LRP1B: variants seen among roughly 807,000 people sequenced by gnomAD.
LRP1B encodes LDL receptor related protein 1B.
LRP1B carries 217 observed loss-of-function variants against 556.6 expected under a neutral mutation model. The ratio of observed to expected loss-of-function variants is 0.39; its 90% CI spans 0.35 to 0.44. The LOEUF is 0.44. LRP1B is among the 20% of genes least tolerant of loss of function. The pLI, the probability that LRP1B is intolerant of heterozygous loss-of-function variation, is 1.00. For missense variants in LRP1B, 5,053 were observed against 5,620.8 expected, an observed-to-expected ratio of 0.90 and a Z score of 3.23; for synonymous variants, 2,047 against 1,865.8, an observed-to-expected ratio of 1.10 and a Z score of -2.50.
chr2:141,758,268 C>T (rs1201796365), intron 2 of LRP1B, among the ~76,000 whole-genome samples: 2 of 152,096 alleles, frequency 1.3e-5, no homozygotes, highest in Admixed American at 6.6e-5. Flanking sequence ...TCACATACTG[C>T]TTTGTATAAT....
chr2:140,518,990 G>A (rs1446683196), intron 49 of LRP1B, among the ~76,000 whole-genome samples: 1 of 152,132 alleles, frequency 6.6e-6, no homozygotes, highest in Non-Finnish European at 1.5e-5. Context: ...AACAGTCCAT[G>A]CTTATGCATA....
intron 89 of LRP1B, among the ~76,000 whole-genome samples, chr2:140,236,697 A>G (rs1573663815): frequency 6.6e-6 from 1 of 150,934 alleles, no homozygotes; most frequent in Non-Finnish European, 1.5e-5. Flanking sequence ...ATATTTCTCA[A>G]AAGTGATTTA....
intron 20 of LRP1B, among the ~76,000 whole-genome samples, chr2:140,935,607 C>T (rs1270055171): frequency 6.6e-6 from 1 of 151,974 alleles, no homozygotes; most frequent in Non-Finnish European, 1.5e-5. Context: ...GCGAGAATAT[C>T]TAAAGAAAAC....
chr2:140,471,491 T>G (rs1687767803), intron 60 of LRP1B, among the ~76,000 whole-genome samples: 1 of 152,140 alleles, frequency 6.6e-6, no homozygotes. Context: ...CCCTAGCTAA[T>G]TCAATAATAA....
intron 2 of LRP1B, among the ~76,000 whole-genome samples, chr2:141,591,059 C>T (rs1687316173): frequency 6.6e-6 from 1 of 152,208 alleles, no homozygotes. Flanking sequence ...CTCTGCCCTC[C>T]TGACTGTAAT....
intron 83 of LRP1B, among the ~76,000 whole-genome samples, chr2:140,303,235 TTTTATTTGTTTGTTATTTATTTATTTA>T (rs1285813792): frequency 6.6e-6 from 1 of 151,668 alleles, no homozygotes; most frequent in Non-Finnish European, 1.5e-5. Flanking sequence ...ATAAACTCTT[TTTTATTTGTTTGTTATTTATTTATTTA>T]TTTGAGATGG....
chr2:141,728,430 A>T (rs1319083780), intron 2 of LRP1B, among the ~76,000 whole-genome samples: 1 of 152,020 alleles, frequency 6.6e-6, no homozygotes, highest in African/African-American at 2.4e-5. Context: ...AGGAAGAGAG[A>T]GTCTAGGGAA....
At chr2:140,586,970 G>T (rs190363983) in intron 43 of LRP1B, among the ~76,000 whole-genome samples, 1 of 151,826 alleles carries the variant, frequency 6.6e-6, no homozygotes, top group African/African-American at 2.4e-5. Flanking sequence ...AAAAATAAAG[G>T]CTTTAGGAAA....
chr2:141,494,774 G>A (rs950910844), intron 2 of LRP1B, among the ~76,000 whole-genome samples: 6 of 147,990 alleles, frequency 4.1e-5, no homozygotes, highest in African/African-American at 1.3e-4. Flanking sequence ...TAGATATGGA[G>A]GTTTATTTAG....
rs550710851 is a variant in LRP1B, at chr2:140,655,713, C to A, written c.6799+44537G>T. Among the ~76,000 whole-genome samples, 8 of 152,244 alleles carry A rather than the reference C, an allele frequency of 5.3e-5. No individual in the cohort carries two copies. The South Asian group carries it at 1.7e-3, about 32-fold the overall frequency. On this transcript the variant is annotated intron_variant, in intron 41 of 90. Transcript: ENST00000389484. Reference sequence around the variant, plus strand: ...ATCCCAGCACTTTGGGGGGCCGAGGCGGGTGGATCACGAGGTCAGGAAATC... The same window carrying A: ...ATCCCAGCACTTTGGGGGGCCGAGGAGGGTGGATCACGAGGTCAGGAAATC...
chr2:140,768,399 C>T (rs917238653), intron 35 of LRP1B, among the ~76,000 whole-genome samples: 4 of 151,594 alleles, frequency 2.6e-5, no homozygotes, highest in East Asian at 1.9e-4. Flanking sequence ...ATAAAAACAC[C>T]GTGGAAATGC....
rs77829977 is a variant in LRP1B, at chr2:141,307,935, G to A, written c.344-53294C>T. On this transcript the variant is annotated intron_variant, in intron 3 of 90. Coordinates refer to ENST00000389484, the MANE Select transcript of LRP1B (RefSeq NM_018557.3). ...CAGGCCCACTCTCTGGCTCCCAAGT[G>A]CTTTGTAATGGTGTTGGTGGTGGCT... is the stretch of plus-strand genomic sequence containing the variant. Among the ~76,000 whole-genome samples, 418 of 152,272 alleles carry A rather than the reference G, an allele frequency of 2.7e-3. 11 individuals carry two copies. In the East Asian group the frequency reaches 0.059, roughly 22 times the overall value.
chr2:141,592,723 G>A (rs1687384571), intron 2 of LRP1B, among the ~76,000 whole-genome samples: 1 of 152,106 alleles, frequency 6.6e-6, no homozygotes, highest in Non-Finnish European at 1.5e-5. Flanking sequence ...ATGGCACCTT[G>A]TGAAATTCCT....
At chr2:141,224,466 G>A (rs1442828744) in intron 6 of LRP1B, among the ~76,000 whole-genome samples, 1 of 152,106 alleles carries the variant, frequency 6.6e-6, no homozygotes, top group Non-Finnish European at 1.5e-5. Context: ...ATTTGACCCG[G>A]CAATCCCATT....
At chr2:141,885,352 C>G (rs575287401) in intron 1 of LRP1B, among the ~76,000 whole-genome samples, 1 of 152,020 alleles carries the variant, frequency 6.6e-6, no homozygotes, top group Admixed American at 6.6e-5. Flanking sequence ...GAGTCTATTG[C>G]TGAAATTAAG....
chr2:142,012,644 G>T (rs1209436857), intron 1 of LRP1B, among the ~76,000 whole-genome samples: 1 of 152,062 alleles, frequency 6.6e-6, no homozygotes, highest in African/African-American at 2.4e-5. Context: ...AATTTACTTA[G>T]CTCTACTTAG....
At chr2:140,641,862 C>G (rs1415098942) in intron 41 of LRP1B, among the ~76,000 whole-genome samples, 1 of 152,140 alleles carries the variant, frequency 6.6e-6, no homozygotes, top group Non-Finnish European at 1.5e-5. Flanking sequence ...AATAATATTT[C>G]TAAAGGCCAA....
At chr2:141,788,126 C>T (rs1331219970) in intron 2 of LRP1B, among the ~76,000 whole-genome samples, 1 of 151,964 alleles carries the variant, frequency 6.6e-6, no homozygotes, top group African/African-American at 2.4e-5. Context: ...TCTGCCTCTA[C>T]AAGATTTATG....
At chr2:142,126,140 A>C (rs1434433251) in intron 1 of LRP1B, among the ~76,000 whole-genome samples, 1 of 151,928 alleles carries the variant, frequency 6.6e-6, no homozygotes, top group Non-Finnish European at 1.5e-5. Context: ...TCAAAAGCAG[A>C]TAATTTTGAC....
Sources: gnomAD v4.1 joint callset for allele counts (sites outside exome capture counted in the v4.1 genomes callset) on GRCh38, gnomAD v4.1.1 for gene constraint, MANE v1.5 for transcripts, NCBI Gene and HGNC (gene_info 2026-07-23, HGNC 2026-07-21) for gene names.